The following ZHX2 variants were observed in gnomAD, a reference collection of about 807,000 sequenced individuals.
ZHX2 encodes zinc fingers and homeoboxes 2, also known as zinc fingers and homeoboxes protein 2.
ZHX2 carries 6 observed loss-of-function variants against 21.9 expected under a neutral mutation model. The ratio of observed to expected loss-of-function variants is 0.27; its 90% confidence interval spans 0.15 to 0.54. ZHX2 has a LOEUF of 0.54. Ranked by LOEUF, ZHX2 falls within the 20% of genes least tolerant of loss-of-function variation. ZHX2 has a pLI of 0.95. For missense variants in ZHX2, 908 were observed against 1,090.7 expected (o/e 0.83, Z 2.36); for synonymous variants, 434 against 437.1 (o/e 0.99, Z 0.09).
At chr8:122,789,527 A>G (rs145234103) in intron 1 of ZHX2, among the ~76,000 whole-genome samples, 29 of 152,354 alleles carry the variant, frequency 1.9e-4, no homozygotes, top group Admixed American at 6.5e-4. Flanking sequence ...TCAGAGCTGG[A>G]TGTCATGGTG....
At chr8:122,885,620 G>A (rs773278875) in intron 2 of ZHX2, among the ~76,000 whole-genome samples, 4 of 152,272 alleles carry the variant, frequency 2.6e-5, no homozygotes, top group Admixed American at 6.5e-5. Flanking sequence ...ATTGGGCAAC[G>A]TCTAGAGACA....
At chr8:122,903,905 G>C (rs140425962) in intron 2 of ZHX2, among the ~76,000 whole-genome samples, 1 of 152,046 alleles carries the variant, frequency 6.6e-6, no homozygotes, top group South Asian at 2.1e-4. Context: ...AGAAAATGGA[G>C]TAAACACATT....
In ZHX2 at chr8:122,855,977, C is replaced by A. The variant is rs79244619; in HGVS notation, c.-282-7500C>A. ...GGCATCTATTAAGCACCTAGATGTA[C>A]CCCATGAGCAGGGAACATATCCCAA... On this transcript the variant is annotated intron_variant, in intron 1 of 3. Coordinates refer to ENST00000314393, the MANE Select transcript of ZHX2 (RefSeq NM_014943.5). Among the ~76,000 whole-genome samples, 800 of 152,262 alleles carry A rather than the reference C, an allele frequency of 5.3e-3. 7 individuals are homozygous for A. The highest frequency in any genetic ancestry group is 0.018 in the African/African-American group (737 of 41,542).
chr8:122,926,923 G>C (rs1272276027), intron 2 of ZHX2, among the ~76,000 whole-genome samples: 1 of 152,122 alleles, frequency 6.6e-6, no homozygotes, highest in Non-Finnish European at 1.5e-5. Context: ...GGCCCACCCA[G>C]ATCATCCAGA....
rs148603417 is a variant in ZHX2, at chr8:122,833,647, G to A, written c.-282-29830G>A. On this transcript the variant is annotated intron_variant, in intron 1 of 3. Transcript: ENST00000314393. ...ATGTGGATGTGGAGAGTAGTGTGGC[G>A]TTTTGAAAGGATGTCTCTGCCTAGG... Among the ~76,000 whole-genome samples the A allele has an allele frequency of 7.9e-3, 1,205 of 152,068 alleles. 13 individuals are homozygous for A. The highest frequency in any genetic ancestry group is 0.027 in the African/African-American group (1,124 of 41,450).
intron 2 of ZHX2, among the ~76,000 whole-genome samples, chr8:122,920,730 C>T (rs4870826): frequency 0.014 from 2,164 of 152,300 alleles, 49 homozygotes; most frequent in Admixed American, 0.057. Flanking sequence ...CTCCAGTTCA[C>T]AGCCGCAGCC....
chr8:122,868,668 T>C (rs1397799199), intron 2 of ZHX2, among the ~76,000 whole-genome samples: 1 of 133,122 alleles, frequency 7.5e-6, no homozygotes, highest in African/African-American at 2.9e-5. Context: ...GCCACTGCAC[T>C]CCAGCCTGGG....
chr8:122,795,909 G>A (rs185364585), intron 1 of ZHX2, among the ~76,000 whole-genome samples: 88 of 152,210 alleles, frequency 5.8e-4, no homozygotes, highest in Non-Finnish European at 9.6e-4. Context: ...GATGGCTCAC[G>A]CCTGTAATCC....
intron 1 of ZHX2, chr8:122,810,581 T>C (rs1232661998): frequency 6.6e-6 from 1 of 152,120 alleles, no homozygotes; most frequent in Non-Finnish European, 1.5e-5. Flanking sequence ...TGGGTGAGTC[T>C]CTGTGGACGG....
intron 1 of ZHX2, among the ~76,000 whole-genome samples, chr8:122,838,934 T>C (rs1258422370): frequency 6.6e-6 from 1 of 152,180 alleles, no homozygotes; most frequent in African/African-American, 2.4e-5. Flanking sequence ...ATACTGTATA[T>C]ATAGTTTTTA....
intron 2 of ZHX2, among the ~76,000 whole-genome samples, chr8:122,878,615 C>G (rs900979603): frequency 4.6e-5 from 7 of 152,144 alleles, no homozygotes; most frequent in African/African-American, 1.7e-4. Context: ...TGGCTTGCAT[C>G]ACATCCTTAT....
At chr8:122,948,096 C>T (rs114312373) in intron 2 of ZHX2, among the ~76,000 whole-genome samples, 27 of 152,298 alleles carry the variant, frequency 1.8e-4, no homozygotes, top group African/African-American at 6.3e-4. Context: ...GTTCACTAGC[C>T]GGGGAATGGC....
chr8:122,934,361 C>A (rs923315358), intron 2 of ZHX2, among the ~76,000 whole-genome samples: 1 of 152,192 alleles, frequency 6.6e-6, no homozygotes, highest in Non-Finnish European at 1.5e-5. Flanking sequence ...GAACAGACAG[C>A]CACCACCTCT....
At chr8:122,866,508 T>C (rs1226270462) in intron 2 of ZHX2, among the ~76,000 whole-genome samples, 2 of 152,210 alleles carry the variant, frequency 1.3e-5, no homozygotes, top group Admixed American at 6.5e-5. Context: ...AGGATTGTAA[T>C]GTAAGCCAAA....
intron 1 of ZHX2, among the ~76,000 whole-genome samples, chr8:122,859,301 C>T (rs1819106451): frequency 6.6e-6 from 1 of 152,226 alleles, no homozygotes; most frequent in African/African-American, 2.4e-5. Context: ...GAATAATTCA[C>T]TGTGCAGCCC....
At chr8:122,862,969 A>G (rs1418557132) in intron 1 of ZHX2, among the ~76,000 whole-genome samples, 1 of 152,176 alleles carries the variant, frequency 6.6e-6, no homozygotes, top group African/African-American at 2.4e-5. Context: ...AGGAATTTTC[A>G]AAGCACACGG....
chr8:122,800,933 C>T lies in ZHX2; in HGVS notation c.-283+18987C>T, dbSNP rs1462541808. On this transcript the variant is annotated intron_variant, in intron 1 of 3. Transcript: ENST00000314393. The stretch of plus-strand genomic sequence containing the variant: ...GCGTGCACAAAAACATACAAACACA[C>T]AGAGCCAAAACACAGCACAGCTCAA... 5.3e-5 allele frequency among the ~76,000 whole-genome samples: 8 copies of T among 152,368 alleles called. No homozygotes were observed. In the East Asian group the frequency reaches 1.3e-3, roughly 26 times the overall value.
chr8:122,895,712 T>TA (rs1820083006), intron 2 of ZHX2, among the ~76,000 whole-genome samples: 2 of 150,212 alleles, frequency 1.3e-5, no homozygotes, highest in African/African-American at 4.9e-5. Context: ...ATCTGCAGTC[T>TA]AAGACCCAGG....
intron 1 of ZHX2, among the ~76,000 whole-genome samples, chr8:122,858,587 G>A (rs995305386): frequency 2.0e-5 from 3 of 151,838 alleles, no homozygotes; most frequent in Non-Finnish European, 4.4e-5. Context: ...GAGCTCAGAG[G>A]GCACTAAAAA....
Sources: gnomAD v4.1 joint callset for allele counts (sites outside exome capture counted in the v4.1 genomes callset) on GRCh38, gnomAD v4.1.1 for gene constraint, MANE v1.5 for transcripts, NCBI Gene and HGNC (gene_info 2026-07-23, HGNC 2026-07-21) for gene names.